Variants in ARMC2 observed in about 807,000 individuals in gnomAD.
The protein encoded by ARMC2 is armadillo repeat containing 2, also known as armadillo repeat-containing protein 2.
A neutral mutation model predicts 90.3 loss-of-function variants in ARMC2; 67 were observed. That is an observed-to-expected ratio of 0.74 (90% CI 0.61 to 0.91). ARMC2 has a LOEUF of 0.91. Ranked by LOEUF, ARMC2 falls within the 40% of genes least tolerant of loss-of-function variation. ARMC2 has a pLI of 0.00. For synonymous variants in ARMC2, 393 were observed against 393.0 expected (o/e 1.00, Z 0.00); for missense variants, 920 against 1,030.9 (o/e 0.89, Z 1.47).
rs1212421640 is a variant in ARMC2 at position 108,904,337 on chromosome 6, AC to A, written c.958del (p.Leu320CysfsTer4). ...KFKGRSILLK[T>X]LCKLVDVGSD... is the part of the protein sequence containing the mutation. ...TAAGGGAAGAAGTATTCTCCTGAAG[AC>A]CCTGTGTAAACTAGTTGATGTTGGT... On this transcript the variant is annotated frameshift_variant, in exon 8 of 18. Coordinates refer to ENST00000392644, the MANE Select transcript of ARMC2 (RefSeq NM_032131.6). LOFTEE classifies it high-confidence loss of function. The A allele has an allele frequency of 6.2e-7, 1 of 1,613,778 alleles. No homozygotes were observed. Among genetic ancestry groups the A allele is most frequent in the South Asian group, 1.1e-5 (1 of 91,066 alleles).
chr6:109,015,757 T>C, the ARMC2 span, among the ~76,000 whole-genome samples: 5 of 152,132 alleles, frequency 3.3e-5, no homozygotes, highest in Non-Finnish European at 7.4e-5. Context: ...GAAGGAAATA[T>C]ACAAACTCAA....
intron 5 of ARMC2, among the ~76,000 whole-genome samples, chr6:108,879,379 CCATCCATT>C (rs1298255879): frequency 6.6e-6 from 1 of 151,754 alleles, no homozygotes; most frequent in Non-Finnish European, 1.5e-5. Context: ...ACCTATCCAC[CCATCCATT>C]CATCCATCCA....
intron 12 of ARMC2, among the ~76,000 whole-genome samples, chr6:108,952,596 A>G (rs1777269589): frequency 6.6e-6 from 1 of 152,234 alleles, no homozygotes; most frequent in South Asian, 2.1e-4. Context: ...CCCAAGTGTC[A>G]ATCCTGCCCA....
intron 13 of ARMC2, among the ~76,000 whole-genome samples, chr6:108,958,190 C>T (rs574046301): frequency 2.6e-5 from 4 of 152,230 alleles, no homozygotes; most frequent in Admixed American, 1.3e-4. Flanking sequence ...AGAAGAGACA[C>T]CAGAGCCTGA....
At chr6:108,978,032 T>C (rs566698485), downstream of ARMC2, among the ~76,000 whole-genome samples, 3 of 152,320 alleles carry the variant, frequency 2.0e-5, no homozygotes, top group South Asian at 4.1e-4. Context: ...ATTTCTTGTC[T>C]TCTGCTAGCT....
intron 7 of ARMC2, among the ~76,000 whole-genome samples, chr6:108,902,167 A>G (rs991338443): frequency 1.3e-5 from 2 of 152,252 alleles, no homozygotes; most frequent in Non-Finnish European, 2.9e-5. Flanking sequence ...CTCTGTTACA[A>G]TCAAACTTTT....
At chr6:108,885,926 C>T (rs1464977658) in intron 5 of ARMC2, among the ~76,000 whole-genome samples, 1 of 152,204 alleles carries the variant, frequency 6.6e-6, no homozygotes, top group African/African-American at 2.4e-5. Flanking sequence ...CCACACTCAT[C>T]TTTTACCTAT....
the ARMC2 span, among the ~76,000 whole-genome samples, chr6:109,018,596 T>C: frequency 6.6e-6 from 1 of 152,226 alleles, no homozygotes; most frequent in Non-Finnish European, 1.5e-5. Flanking sequence ...CCCATCATGA[T>C]TCCTTAGTTT....
chr6:108,854,734 A>G (rs1297410479), intron 2 of ARMC2, among the ~76,000 whole-genome samples: 4 of 152,190 alleles, frequency 2.6e-5, no homozygotes, highest in African/African-American at 9.7e-5. Context: ...ACATACTTTG[A>G]CACACCATTA....
At chr6:108,990,611 A>G in the ARMC2 span, 1 of 1,604,860 alleles carries the variant, frequency 6.2e-7, no homozygotes, top group Admixed American at 1.7e-5. Context: ...CCCAGAGGAA[A>G]ACATCTCTTT....
In ARMC2 at chr6:108,953,178, A is replaced by G. The variant is rs150075384; in HGVS notation, c.1742A>G (p.Gln581Arg). 2.8e-4 allele frequency: 453 copies of G among 1,614,076 alleles called. 1 individual carries two copies. In the African/African-American group the frequency reaches 5.8e-3, roughly 21 times the overall value. The part of the protein sequence containing the change: ...QTFHQLDLHS[Q>R]KPVGQRGEQH... The stretch of plus-strand genomic sequence containing the variant: ...TTCCATCAGCTGGATCTGCATTCCC[A>G]GAAGCCGGTGGGCCAACGAGGCGAG... Residue 581 changes from glutamine (Q) to arginine (R), a missense_variant, in exon 13 of 18, where the codon CAG becomes CGG. Transcript: ENST00000392644.
chr6:109,016,532 A>T, the ARMC2 span, among the ~76,000 whole-genome samples: 1 of 152,152 alleles, frequency 6.6e-6, no homozygotes, highest in Non-Finnish European at 1.5e-5. Context: ...CCAAATCTGG[A>T]GACTACTTGT....
intron 12 of ARMC2, among the ~76,000 whole-genome samples, chr6:108,951,476 G>T (rs1244476292): frequency 6.6e-6 from 1 of 152,220 alleles, no homozygotes; most frequent in Non-Finnish European, 1.5e-5. Context: ...ACCATCTCCA[G>T]TTTTTGCTGT....
At chr6:108,854,629 ACAGAGATTT>A (rs1774349482) in intron 2 of ARMC2, 144 bp downstream of exon 2, 1 of 780,022 alleles carries the variant, frequency 1.3e-6, no homozygotes, top group Non-Finnish European at 2.0e-6. Flanking sequence ...AGTGGAAGGT[ACAGAGATTT>A]CCCATGTACC....
chr6:108,956,248 T>C (rs536160853), intron 13 of ARMC2, among the ~76,000 whole-genome samples: 1 of 152,330 alleles, frequency 6.6e-6, no homozygotes, highest in East Asian at 1.9e-4. Flanking sequence ...TTATGCATGA[T>C]TCATTTTCCC....
intron 5 of ARMC2, among the ~76,000 whole-genome samples, chr6:108,885,685 G>C (rs867559325): frequency 6.9e-6 from 1 of 145,542 alleles, no homozygotes; most frequent in African/African-American, 2.5e-5. Context: ...AAAAAAAAAA[G>C]AAAAGAAAAG....
chr6:108,882,770 CTG>C (rs1449832682), intron 5 of ARMC2, among the ~76,000 whole-genome samples: 1 of 143,382 alleles, frequency 7.0e-6, no homozygotes, highest in Non-Finnish European at 1.6e-5. Flanking sequence ...TCTGCTAACG[CTG>C]TCTTACTGTG....
the ARMC2 span, chr6:108,998,731 T>C: frequency 6.2e-7 from 1 of 1,612,462 alleles, no homozygotes; most frequent in Non-Finnish European, 8.5e-7. Flanking sequence ...AGGGACCAGC[T>C]GTGCTCTTCA....
downstream of ARMC2, among the ~76,000 whole-genome samples, chr6:108,975,521 A>G (rs1778966865): frequency 6.6e-6 from 1 of 152,242 alleles, no homozygotes; most frequent in Non-Finnish European, 1.5e-5. Context: ...GTATATACCC[A>G]GTAATGGGAT....
Sources: allele counts gnomAD v4.1 joint callset (sites outside exome capture counted in the v4.1 genomes callset), GRCh38; gene constraint gnomAD v4.1.1; transcripts MANE v1.5; gene names NCBI Gene and HGNC (gene_info 2026-07-23, HGNC 2026-07-21).